STAG1: variants seen among roughly 807,000 people sequenced by gnomAD.
The protein encoded by STAG1 is STAG1 cohesin complex component.
STAG1 carries 26 observed loss-of-function variants against 170.9 expected under a neutral mutation model. The ratio of observed to expected loss-of-function variants is 0.15; its 90% confidence interval spans 0.11 to 0.21. The LOEUF (loss-of-function observed/expected upper bound fraction) is 0.21. STAG1 is among the 10% of genes least tolerant of loss of function. The probability of loss-of-function intolerance (pLI) is 1.00; values close to 1 mark genes in which losing one functional copy is unlikely to be tolerated. For synonymous variants in STAG1, 514 were observed against 497.7 expected (o/e 1.03, Z -0.44); for missense variants, 964 against 1,509.5 (o/e 0.64, Z 5.99).
chr3:136,550,370 C>T (rs1356768479), intron 5 of STAG1, among the ~76,000 whole-genome samples: 3 of 151,338 alleles, frequency 2.0e-5, no homozygotes, highest in East Asian at 1.9e-4. Context: ...TACAGTGGCG[C>T]GATCTTGGCT....
Position 136,747,093 on chromosome 3 carries a change from T to TAAAAAAAAA in STAG1, c.-84+5093_-84+5101dup, listed in dbSNP as rs71134408. 3.6e-3 allele frequency among the ~76,000 whole-genome samples: 214 copies of TAAAAAAAAA among 59,300 alleles called. 13 individuals are homozygous for TAAAAAAAAA. Among genetic ancestry groups the TAAAAAAAAA allele is most frequent in the Non-Finnish European group, 4.3e-3 (148 of 34,666 alleles). 38.9% of individuals were successfully genotyped at this position (59,300 alleles called of 152,430 possible). ...CCTGGGCAACAAGAGTGAAACTGTC[T>TAAAAAAAAA]AAAAAAAAAAAAAAAAAAAAAAAAA... On this transcript the variant is annotated intron_variant, in intron 1 of 33. Transcript: ENST00000383202.
chr3:136,371,292 C>T (rs1174397805), intron 23 of STAG1, among the ~76,000 whole-genome samples: 1 of 152,012 alleles, frequency 6.6e-6, no homozygotes, highest in African/African-American at 2.4e-5. Context: ...AAATTTTCTC[C>T]CATTCTGTAG....
intron 23 of STAG1, among the ~76,000 whole-genome samples, chr3:136,374,147 G>A (rs1474922553): frequency 6.6e-6 from 1 of 151,920 alleles, no homozygotes; most frequent in Non-Finnish European, 1.5e-5. Context: ...TGTTTCATCC[G>A]AGACTAGGAT....
At chr3:136,736,635 T>C in intron 1 of STAG1, 1 of 1,603,508 alleles carries the variant, frequency 6.2e-7, no homozygotes, top group Non-Finnish European at 8.5e-7. Context: ...TTTCTGCCAC[T>C]CTCTTTCCCG....
intron 1 of STAG1, among the ~76,000 whole-genome samples, chr3:136,674,716 C>T (rs1486704781): frequency 6.6e-6 from 1 of 152,140 alleles, no homozygotes; most frequent in Non-Finnish European, 1.5e-5. Flanking sequence ...ACAATGTATA[C>T]TTATGTCAAA....
intron 22 of STAG1, among the ~76,000 whole-genome samples, chr3:136,382,774 A>G (rs1243184556): frequency 6.6e-6 from 1 of 152,182 alleles, no homozygotes; most frequent in Non-Finnish European, 1.5e-5. Flanking sequence ...CTTTAGCAAT[A>G]AAGTTTGGCC....
intron 12 of STAG1, among the ~76,000 whole-genome samples, chr3:136,465,327 C>A (rs954617309): frequency 7.4e-5 from 11 of 148,052 alleles, no homozygotes; most frequent in African/African-American, 2.7e-4. Flanking sequence ...TCAACTGATT[C>A]TCCTGCCTCA....
chr3:136,471,744 A>T (rs994900504), intron 12 of STAG1, among the ~76,000 whole-genome samples: 11 of 152,138 alleles, frequency 7.2e-5, no homozygotes, highest in Middle Eastern at 3.4e-3. Flanking sequence ...TAATTGCTTT[A>T]TTTTTTTCTT....
chr3:136,516,119 C>T (rs1401261076), intron 7 of STAG1, among the ~76,000 whole-genome samples: 1 of 152,138 alleles, frequency 6.6e-6, no homozygotes, highest in African/African-American at 2.4e-5. Context: ...AAAATTTTCA[C>T]ATCTTAACCA....
intron 10 of STAG1, among the ~76,000 whole-genome samples, chr3:136,474,716 C>A (rs112950800): frequency 1.2e-3 from 177 of 152,308 alleles, no homozygotes; most frequent in African/African-American, 2.5e-3. Flanking sequence ...AGCACACAAG[C>A]GAAAGCTGAA....
chr3:136,468,985 C>T (rs1309334922), intron 12 of STAG1, among the ~76,000 whole-genome samples: 2 of 152,084 alleles, frequency 1.3e-5, no homozygotes, highest in African/African-American at 2.4e-5. Context: ...TGGGACGTAT[C>T]TCAAAATAAT....
chr3:136,581,543 C>T (rs1576630588), intron 4 of STAG1, among the ~76,000 whole-genome samples: 1 of 152,096 alleles, frequency 6.6e-6, no homozygotes, highest in African/African-American at 2.4e-5. Flanking sequence ...AATGATGACC[C>T]TCAGTGTTGC....
intron 3 of STAG1, among the ~76,000 whole-genome samples, chr3:136,617,842 A>G (rs1327691967): frequency 6.6e-6 from 1 of 152,168 alleles, no homozygotes; most frequent in East Asian, 1.9e-4. Context: ...TTTAAAAGAA[A>G]AAAAAACTTT....
intron 9 of STAG1, among the ~76,000 whole-genome samples, chr3:136,496,922 G>A (rs1576532378): frequency 6.6e-6 from 1 of 151,694 alleles, no homozygotes; most frequent in African/African-American, 2.4e-5. Context: ...GGGAGAGAGA[G>A]AGGGAGAGAG....
chr3:136,422,526 T>C lies in STAG1; in HGVS notation c.1921A>G (p.Ser641Gly), dbSNP rs769824466. The change falls in exon 19 of 34, where the codon AGT becomes GGT. Residue 641 changes from serine to glycine, a missense_variant. By Grantham distance (56) the Ser-to-Gly change is moderately conservative. Around this residue, in one of 11 missense-constraint regions of STAG1, gnomAD observed 232 missense variants for 313.0 expected, o/e 0.74. Coordinates refer to ENST00000383202, the MANE Select transcript of STAG1 (RefSeq NM_005862.3). ...GTATATTCTTCACTGCATAAGATAC[T>C]ATAGGTTTTACTGCAGGCTTCTAGA... The part of the protein sequence containing the change: ...DVLEACSKTY[S>G]ILCSEEYTIQ... The C allele has an allele frequency of 6.2e-7, 1 of 1,614,096 alleles. No homozygotes were observed. The highest frequency in any genetic ancestry group is 8.5e-7 in the Non-Finnish European group (1 of 1,179,982).
chr3:136,746,188 T>C lies in STAG1; in HGVS notation c.-84+6007A>G, dbSNP rs118142553. 3.3e-3 allele frequency among the ~76,000 whole-genome samples: 509 copies of C among 152,346 alleles called. 8 individuals are homozygous for C. The East Asian group carries it at 0.048, about 14-fold the overall frequency. The stretch of plus-strand genomic sequence containing the variant: ...AATATCATTTTAGCTCTCTGCTTCC[T>C]AGTTTTTCCCTACCACTCTAGCAAG... On this transcript the variant is annotated intron_variant, in intron 1 of 33. Coordinates refer to ENST00000383202, the MANE Select transcript of STAG1 (RefSeq NM_005862.3).
intron 5 of STAG1, among the ~76,000 whole-genome samples, chr3:136,546,664 T>C (rs998821339): frequency 1.3e-5 from 2 of 152,128 alleles, no homozygotes; most frequent in African/African-American, 4.8e-5. Context: ...TAATCTGATA[T>C]AGGGAGAGCC....
intron 1 of STAG1, among the ~76,000 whole-genome samples, chr3:136,708,064 C>T (rs749882590): frequency 7.9e-5 from 12 of 152,098 alleles, no homozygotes; most frequent in Non-Finnish European, 1.5e-4. Context: ...TAAAATGATG[C>T]CAGCCACTGT....
intron 2 of STAG1, among the ~76,000 whole-genome samples, chr3:136,625,117 A>C (rs991159977): frequency 6.6e-6 from 1 of 152,258 alleles, no homozygotes; most frequent in Non-Finnish European, 1.5e-5. Flanking sequence ...AGACAGCATG[A>C]ACAAGAATCT....
Sources: allele counts gnomAD v4.1 joint callset (sites outside exome capture counted in the v4.1 genomes callset), GRCh38; gene constraint gnomAD v4.1.1; regional missense constraint gnomAD v4.1.1; transcripts MANE v1.5; gene names NCBI Gene and HGNC (gene_info 2026-07-23, HGNC 2026-07-21).